AGBL4: variants seen among roughly 807,000 people sequenced by gnomAD.
AGBL4 encodes the protein AGBL carboxypeptidase 4.
In AGBL4, 58 loss-of-function variants were observed where a neutral mutation model predicts 66.4. That is an observed-to-expected ratio of 0.87 (90% CI 0.71 to 1.09). The LOEUF (loss-of-function observed/expected upper bound fraction) is 1.09, where lower values mean the gene tolerates loss of function less well. Among genes scored for constraint, AGBL4 ranks in the 50% least tolerant of loss-of-function variants. AGBL4 has a pLI of 0.00. For missense variants in AGBL4, 579 were observed against 631.0 expected, an observed-to-expected ratio of 0.92 and a Z score of 0.88; for synonymous variants, 234 against 222.9, an observed-to-expected ratio of 1.05 and a Z score of -0.44.
At chr1:49,645,975 C>A (rs1042844574) in intron 3 of AGBL4, among the ~76,000 whole-genome samples, 2 of 151,508 alleles carry the variant, frequency 1.3e-5, no homozygotes, top group African/African-American at 4.8e-5. Context: ...TATCCAACAT[C>A]AGTTCCTCAT....
chr1:48,963,023 C>T (rs542173307), intron 5 of AGBL4, among the ~76,000 whole-genome samples: 3 of 150,702 alleles, frequency 2.0e-5, no homozygotes, highest in Admixed American at 1.3e-4. Context: ...ATTACCTCTA[C>T]GTGTTTGTCT....
chr1:49,092,452 C>T (rs1645019797), intron 4 of AGBL4, among the ~76,000 whole-genome samples: 1 of 152,136 alleles, frequency 6.6e-6, no homozygotes, highest in Admixed American at 6.6e-5. Context: ...GTTCCCCCTA[C>T]TTCAATAACC....
chr1:49,761,167 G>T (rs1415351542), intron 2 of AGBL4, among the ~76,000 whole-genome samples: 1 of 151,246 alleles, frequency 6.6e-6, no homozygotes, highest in Non-Finnish European at 1.5e-5. Context: ...CTAAAAAATG[G>T]TTAATTTTCT....
chr1:48,613,845 A>G (rs940978274), intron 9 of AGBL4, among the ~76,000 whole-genome samples: 4 of 152,238 alleles, frequency 2.6e-5, no homozygotes, highest in Non-Finnish European at 4.4e-5. Flanking sequence ...AGCGAAAGCT[A>G]ACCACAATAA....
intron 7 of AGBL4, among the ~76,000 whole-genome samples, chr1:48,661,206 T>G (rs918572768): frequency 2.0e-5 from 3 of 152,210 alleles, no homozygotes; most frequent in Admixed American, 6.5e-5. Context: ...CATCTTTAGA[T>G]CCACAATGCA....
At chr1:49,097,592 T>C (rs1257614989) in intron 4 of AGBL4, among the ~76,000 whole-genome samples, 1 of 152,240 alleles carries the variant, frequency 6.6e-6, no homozygotes, top group Non-Finnish European at 1.5e-5. Flanking sequence ...CAATTTTTTA[T>C]TTTTGTGAGA....
intron 3 of AGBL4, among the ~76,000 whole-genome samples, chr1:49,644,934 A>G (rs1645855960): frequency 1.3e-5 from 2 of 151,598 alleles, no homozygotes; most frequent in Non-Finnish European, 3.0e-5. Flanking sequence ...ATGTTCTTTA[A>G]TTACAGTGGA....
chr1:49,054,037 T>G, intron 4 of AGBL4, among the ~76,000 whole-genome samples: 1 of 152,092 alleles, frequency 6.6e-6, no homozygotes, highest in Non-Finnish European at 1.5e-5. Flanking sequence ...TCTAGAACAG[T>G]CATTTGCTCT....
chr1:49,204,522 C>A (rs1647977516), intron 4 of AGBL4, among the ~76,000 whole-genome samples: 1 of 152,088 alleles, frequency 6.6e-6, no homozygotes, highest in African/African-American at 2.4e-5. Context: ...TGAAGTGATC[C>A]TCCCACTTTG....
intron 3 of AGBL4, among the ~76,000 whole-genome samples, chr1:49,515,703 C>T (rs1439885047): frequency 1.3e-5 from 2 of 151,768 alleles, no homozygotes; most frequent in Non-Finnish European, 2.9e-5. Context: ...GAATACTATG[C>T]AGCCATGAAA....
intron 5 of AGBL4, among the ~76,000 whole-genome samples, chr1:48,920,998 T>C (rs1654029690): frequency 6.6e-6 from 1 of 152,248 alleles, no homozygotes; most frequent in Non-Finnish European, 1.5e-5. Context: ...ATTCTATTGA[T>C]TACACATTCC....
chr1:49,428,762 T>C (rs1645720425), intron 3 of AGBL4, among the ~76,000 whole-genome samples: 1 of 152,230 alleles, frequency 6.6e-6, no homozygotes, highest in Non-Finnish European at 1.5e-5. Flanking sequence ...ACTAGGCCAT[T>C]TTGTGCATCC....
intron 2 of AGBL4, among the ~76,000 whole-genome samples, chr1:49,840,589 T>C (rs1645966641): frequency 6.6e-6 from 1 of 152,074 alleles, no homozygotes; most frequent in Admixed American, 6.5e-5. Context: ...CAGGTCAATA[T>C]CGCCAATGAA....
At chr1:49,819,564 G>A (rs746537328) in intron 2 of AGBL4, among the ~76,000 whole-genome samples, 4 of 151,930 alleles carry the variant, frequency 2.6e-5, no homozygotes, top group Non-Finnish European at 4.4e-5. Context: ...ATACCAATCC[G>A]TGTATAAGAA....
intron 2 of AGBL4, among the ~76,000 whole-genome samples, chr1:49,814,686 C>A (rs1363694203): frequency 6.6e-6 from 1 of 152,138 alleles, no homozygotes; most frequent in Admixed American, 6.5e-5. Context: ...CTCACATGTA[C>A]CCCTAGGGTT....
At chr1:49,243,070 C>G (rs1651363214) in intron 4 of AGBL4, among the ~76,000 whole-genome samples, 1 of 150,842 alleles carries the variant, frequency 6.6e-6, no homozygotes, top group Non-Finnish European at 1.5e-5. Context: ...CACACACATA[C>G]ATACATATAT....
rs368806777 is a variant in AGBL4 at position 49,145,870 on chromosome 1, C to T, written c.377+99900G>A. ...GAAGCAACCTAAATGTTCATCAATACATGAATGGATCAAGAAAATGTGGTG... is the reference window on the plus strand; with the variant it reads ...GAAGCAACCTAAATGTTCATCAATATATGAATGGATCAAGAAAATGTGGTG... On this transcript the variant is annotated intron_variant, in intron 4 of 13. Coordinates refer to ENST00000371839, the MANE Select transcript of AGBL4 (RefSeq NM_032785.4). 3.4e-4 allele frequency among the ~76,000 whole-genome samples: 52 copies of T among 152,276 alleles called. 1 individual carries two copies. The South Asian group carries it at 9.5e-3, about 28-fold the overall frequency.
intron 1 of AGBL4, among the ~76,000 whole-genome samples, chr1:49,947,708 G>C (rs1655347576): frequency 6.6e-6 from 1 of 150,916 alleles, no homozygotes; most frequent in Non-Finnish European, 1.5e-5. Context: ...TCAGACAAAA[G>C]AAAGAAATAA....
intron 3 of AGBL4, among the ~76,000 whole-genome samples, chr1:49,607,918 GTT>G (rs1487417302): frequency 2.0e-5 from 3 of 152,160 alleles, no homozygotes; most frequent in Non-Finnish European, 4.4e-5. Flanking sequence ...CCAGAACAGT[GTT>G]TAAGGGAATC....
Sources: gnomAD v4.1 joint callset for allele counts (sites outside exome capture counted in the v4.1 genomes callset) on GRCh38, gnomAD v4.1.1 for gene constraint, MANE v1.5 for transcripts, NCBI Gene and HGNC (gene_info 2026-07-23, HGNC 2026-07-21) for gene names.